The following PTPRN2 variants were observed in gnomAD, a reference collection of about 807,000 sequenced individuals.
The protein encoded by PTPRN2 is receptor-type tyrosine-protein phosphatase N2.
A neutral mutation model predicts 118.8 loss-of-function variants in PTPRN2; 74 were observed. The observed-to-expected ratio is 0.62, with a 90% confidence interval of 0.52 to 0.76. PTPRN2 has a LOEUF of 0.76. PTPRN2 is among the 30% of genes least tolerant of loss of function. PTPRN2 has a pLI of 0.00. For missense variants in PTPRN2, 1,481 were observed against 1,394.4 expected, an observed-to-expected ratio of 1.06 and a Z score of -0.99; for synonymous variants, 641 against 608.0, an observed-to-expected ratio of 1.05 and a Z score of -0.80.
chr7:158,474,015 T>G (rs1820059956), intron 2 of PTPRN2, among the ~76,000 whole-genome samples: 2 of 152,138 alleles, frequency 1.3e-5, no homozygotes, highest in South Asian at 4.1e-4. Context: ...TCAGTGACAT[T>G]TCTAGGTAGA....
chr7:158,179,828 A>G (rs1234779840), intron 5 of PTPRN2, among the ~76,000 whole-genome samples: 1 of 152,206 alleles, frequency 6.6e-6, no homozygotes, highest in African/African-American at 2.4e-5. Flanking sequence ...TGACAACACC[A>G]AGGAGTAACT....
chr7:158,270,860 ACCTGGACCGC>A (rs1798366295), intron 3 of PTPRN2, among the ~76,000 whole-genome samples: 1 of 7,658 alleles, frequency 1.3e-4, no homozygotes, highest in African/African-American at 4.9e-4. Context: ...CCGCCCCCCC[ACCTGGACCGC>A]CCCCTCCACC....
intron 1 of PTPRN2, among the ~76,000 whole-genome samples, chr7:158,554,666 C>G (rs1275415108): frequency 1.3e-5 from 2 of 152,218 alleles, no homozygotes; most frequent in Admixed American, 6.5e-5. Context: ...AGTCGCGGCT[C>G]TGGCCCCCCT....
intron 3 of PTPRN2, among the ~76,000 whole-genome samples, chr7:158,272,148 C>A (rs537830874): frequency 6.6e-6 from 1 of 152,192 alleles, no homozygotes; most frequent in Non-Finnish European, 1.5e-5. Context: ...ATGCACACTT[C>A]GTGCTGAGCT....
rs928274859 is a variant in PTPRN2 at position 157,831,966 on chromosome 7, C to T, written c.1788+66707G>A. Among the ~76,000 whole-genome samples the T allele has an allele frequency of 1.7e-4, 26 of 152,220 alleles. No homozygotes were observed. The highest frequency in any genetic ancestry group is 3.2e-4 in the Non-Finnish European group (22 of 68,036). ...AAAGAAGTTTGTCTGGCAGTTGCTT[C>T]GTCTGCATGAGGAGTGACGGCTGGG... is the stretch of plus-strand genomic sequence containing the variant. On this transcript the variant is annotated intron_variant, in intron 12 of 22. Transcript: ENST00000389418. The surrounding 1 kb of genome is among the most constrained non-coding windows in gnomAD (Gnocchi z 4.8).
chr7:158,153,647 G>A (rs1821414883), intron 6 of PTPRN2, among the ~76,000 whole-genome samples: 1 of 152,212 alleles, frequency 6.6e-6, no homozygotes, highest in Non-Finnish European at 1.5e-5. Flanking sequence ...TGGTGGGTGG[G>A]GGTGCCACAG....
chr7:157,978,774 T>C (rs1802928685), intron 11 of PTPRN2, among the ~76,000 whole-genome samples: 1 of 151,958 alleles, frequency 6.6e-6, no homozygotes, highest in African/African-American at 2.4e-5. Flanking sequence ...TCCCCTGATT[T>C]TCTGTCACAG....
At chr7:158,439,914 A>G (rs1816859763) in intron 2 of PTPRN2, among the ~76,000 whole-genome samples, 1 of 152,222 alleles carries the variant, frequency 6.6e-6, no homozygotes, top group Admixed American at 6.5e-5. Context: ...GGGCTGACTG[A>G]TTTATTGATG....
At chr7:157,698,931 C>T (rs1489968787) in intron 12 of PTPRN2, among the ~76,000 whole-genome samples, 1 of 152,132 alleles carries the variant, frequency 6.6e-6, no homozygotes, top group Non-Finnish European at 1.5e-5. Context: ...ACCACATGAA[C>T]AAGAATCTAA....
rs551596449 is a variant in PTPRN2, at chr7:157,701,918, G to A, written c.1789-18981C>T. ...CCGGGTAGGTGCTGGTGTAACTGAC[G>A]CGGGCTGTGCATTTATAAGAAAGCC... On this transcript the variant is annotated intron_variant, in intron 12 of 22. Transcript: ENST00000389418. Among the ~76,000 whole-genome samples, 466 of 148,462 alleles carry A rather than the reference G, an allele frequency of 3.1e-3. 1 individual carries two copies. Among genetic ancestry groups the A allele is most frequent in the South Asian group, 8.1e-3 (36 of 4,420 alleles).
At chr7:157,733,495 T>C (rs79712555) in intron 12 of PTPRN2, among the ~76,000 whole-genome samples, 13 of 24,542 alleles carry the variant, frequency 5.3e-4, no homozygotes, top group Admixed American at 8.4e-4. Context: ...GTTACTCTTT[T>C]CCGTCCCATG....
chr7:158,199,391 C>T (rs2335832), intron 4 of PTPRN2, among the ~76,000 whole-genome samples: 29,299 of 152,150 alleles, frequency 0.19, 3,554 homozygotes, highest in Admixed American at 0.31. Context: ...ATGGGGCTTA[C>T]TCTGCTTAAG....
chr7:157,601,277 C>T (rs1012510703), intron 16 of PTPRN2, among the ~76,000 whole-genome samples: 1 of 152,180 alleles, frequency 6.6e-6, no homozygotes, highest in East Asian at 1.9e-4. Flanking sequence ...ACAAATATGA[C>T]AGATGTAATT....
At chr7:157,939,365 A>G (rs1328878342) in intron 11 of PTPRN2, among the ~76,000 whole-genome samples, 1 of 152,258 alleles carries the variant, frequency 6.6e-6, no homozygotes, top group Non-Finnish European at 1.5e-5. Flanking sequence ...GACAGCACAC[A>G]TGTGGGCCAT....
rs191327727 is a variant in PTPRN2, at chr7:157,869,171, C to A, written c.1788+29502G>T. 1.1e-3 allele frequency: 171 copies of A among 152,262 alleles called. 1 individual carries two copies. The highest frequency in any genetic ancestry group is 4.0e-3 in the African/African-American group (168 of 41,560). 9.4% of individuals were successfully genotyped at this position (152,262 alleles called of 1,614,324 possible). On this transcript the variant is annotated intron_variant, in intron 12 of 22. Coordinates refer to ENST00000389418, the MANE Select transcript of PTPRN2 (RefSeq NM_002847.5). This position sits in a 1 kb window ranked among gnomAD's most constrained non-coding sequence, Gnocchi z 4.2. ...GTCTTTCTACAAATCTTTCCTGATA[C>A]CTCAACTTTGCCAGGGTCCTAAGCG...
In PTPRN2 at chr7:158,137,876, T is replaced by A. The variant is rs553211164; in HGVS notation, c.1132+418A>T. Among the ~76,000 whole-genome samples the A allele has an allele frequency of 3.1e-4, 47 of 152,276 alleles. No individual in the cohort carries two copies. The South Asian group carries it at 9.8e-3, about 32-fold the overall frequency. On this transcript the variant is annotated intron_variant, in intron 7 of 22. Transcript: ENST00000389418. ...CGGATGCCTGCCGGGGTAGTGGTGCTGAGGGGCTGCCTTCTGCTTCCCCAG... is the reference window on the plus strand; with the variant it reads ...CGGATGCCTGCCGGGGTAGTGGTGCAGAGGGGCTGCCTTCTGCTTCCCCAG...
chr7:158,467,005 T>C (rs918340317), intron 2 of PTPRN2, among the ~76,000 whole-genome samples: 5 of 152,176 alleles, frequency 3.3e-5, no homozygotes, highest in Admixed American at 1.3e-4. Flanking sequence ...CGTGCCACTG[T>C]AGGACAGAGC....
At chr7:157,996,662 G>A (rs1397746321) in intron 11 of PTPRN2, among the ~76,000 whole-genome samples, 1 of 152,176 alleles carries the variant, frequency 6.6e-6, no homozygotes, top group African/African-American at 2.4e-5. Context: ...ACAGGGTCAG[G>A]GGACCTTCTA....
chr7:158,090,256 A>T (rs911620928), intron 10 of PTPRN2, among the ~76,000 whole-genome samples: 4 of 152,148 alleles, frequency 2.6e-5, no homozygotes, highest in African/African-American at 9.7e-5. Context: ...ATACTCGAAC[A>T]ATGTGTTCAC....
Sources: allele counts gnomAD v4.1 joint callset (sites outside exome capture counted in the v4.1 genomes callset), GRCh38; gene constraint gnomAD v4.1.1; non-coding constraint Gnocchi (gnomAD v3.1); transcripts MANE v1.5; gene names NCBI Gene and HGNC (gene_info 2026-07-23, HGNC 2026-07-21).